HUNK: variants seen among roughly 807,000 people sequenced by gnomAD.
HUNK encodes hormonally up-regulated Neu-associated kinase.
In HUNK, 21 loss-of-function variants were observed where a neutral mutation model predicts 61.0. That is an observed-to-expected ratio of 0.34 (90% CI 0.24 to 0.50). The LOEUF is 0.50. HUNK is among the 20% of genes least tolerant of loss of function. The pLI is 0.98. For missense variants in HUNK, 772 were observed against 945.7 expected, an observed-to-expected ratio of 0.82 and a Z score of 2.41; for synonymous variants, 371 against 386.1, an observed-to-expected ratio of 0.96 and a Z score of 0.46.
chr21:31,886,339 A>C (rs186971886), intron 1 of HUNK, among the ~76,000 whole-genome samples: 158 of 151,090 alleles, frequency 1.0e-3, no homozygotes, highest in African/African-American at 3.6e-3. Flanking sequence ...TGAGAATCAC[A>C]TGAACCTGGC....
intron 8 of HUNK, among the ~76,000 whole-genome samples, chr21:31,986,509 C>T (rs908501491): frequency 2.2e-4 from 34 of 152,078 alleles, no homozygotes; most frequent in African/African-American, 7.5e-4. Context: ...TTTTCACCCT[C>T]GCACCGCATC....
At chr21:31,926,937 A>G (rs892149914) in intron 2 of HUNK, among the ~76,000 whole-genome samples, 1 of 152,080 alleles carries the variant, frequency 6.6e-6, no homozygotes, top group East Asian at 1.9e-4. Context: ...ATCTAGCTCT[A>G]TTTGAAGGCC....
intron 5 of HUNK, 132 bp from the exon 6 acceptor site, chr21:31,968,118 C>G: frequency 9.3e-7 from 1 of 1,079,510 alleles, no homozygotes. Flanking sequence ...GCCCAGAGAC[C>G]TAGAGAAGAG....
At chr21:31,986,778 C>A (rs1002872119) in intron 8 of HUNK, among the ~76,000 whole-genome samples, 1 of 152,140 alleles carries the variant, frequency 6.6e-6, no homozygotes, top group African/African-American at 2.4e-5. Context: ...CTTTGCTGAA[C>A]CTAAGTGTCT....
intron 1 of HUNK, among the ~76,000 whole-genome samples, chr21:31,921,192 A>ACTG (rs982901602): frequency 1.4e-4 from 21 of 147,866 alleles, no homozygotes; most frequent in African/African-American, 4.5e-4. Context: ...AGAAGGAGAC[A>ACTG]CTGCTCTATA....
intron 8 of HUNK, among the ~76,000 whole-genome samples, chr21:31,989,534 T>C (rs2053156907): frequency 6.6e-6 from 1 of 151,908 alleles, no homozygotes; most frequent in Admixed American, 6.6e-5. Context: ...GCCAACATGG[T>C]GAAACCCCGT....
intron 2 of HUNK, among the ~76,000 whole-genome samples, chr21:31,933,298 G>A (rs980557869): frequency 2.6e-5 from 4 of 152,132 alleles, no homozygotes; most frequent in Non-Finnish European, 5.9e-5. Context: ...CCAAGAAAAA[G>A]CAACTTCCCA....
At chr21:31,885,295 G>A (rs569604031) in intron 1 of HUNK, among the ~76,000 whole-genome samples, 64 of 152,196 alleles carry the variant, frequency 4.2e-4, no homozygotes, top group Middle Eastern at 3.2e-3. Context: ...CAGTGCATGC[G>A]CCTTGGCACT....
intron 1 of HUNK, among the ~76,000 whole-genome samples, chr21:31,914,388 A>G (rs1305180840): frequency 2.8e-5 from 4 of 144,722 alleles, no homozygotes; most frequent in Admixed American, 6.9e-5. Flanking sequence ...AGCCTGGGCA[A>G]CAAGAGTGAA....
intron 1 of HUNK, among the ~76,000 whole-genome samples, chr21:31,921,869 T>A (rs2123814587): frequency 6.6e-6 from 1 of 152,360 alleles, no homozygotes; most frequent in Non-Finnish European, 1.5e-5. Context: ...AACTGACAGA[T>A]AACCGCGTGT....
At chr21:31,945,593 G>A (rs2052796570) in intron 3 of HUNK, among the ~76,000 whole-genome samples, 1 of 152,176 alleles carries the variant, frequency 6.6e-6, no homozygotes, top group Non-Finnish European at 1.5e-5. Context: ...CACTGAGGGT[G>A]ACACAGGCAG....
chr21:31,878,424 T>C (rs2052282305), intron 1 of HUNK, among the ~76,000 whole-genome samples: 1 of 151,916 alleles, frequency 6.6e-6, no homozygotes, highest in South Asian at 2.1e-4. Flanking sequence ...GCAATATATT[T>C]GGATAATTCC....
chr21:31,957,432 G>A (rs1391347825), intron 4 of HUNK, among the ~76,000 whole-genome samples: 3 of 152,190 alleles, frequency 2.0e-5, no homozygotes, highest in Non-Finnish European at 2.9e-5. Flanking sequence ...TTTCTAGTGG[G>A]AGCGGTGGGC....
chr21:31,925,317 C>T (rs1243317860), intron 2 of HUNK, among the ~76,000 whole-genome samples: 1 of 152,174 alleles, frequency 6.6e-6, no homozygotes, highest in Non-Finnish European at 1.5e-5. Flanking sequence ...ATAATAATAA[C>T]ACTTCTCTCT....
At chr21:31,914,088 GGAGGAGA>G (rs1406124050) in intron 1 of HUNK, among the ~76,000 whole-genome samples, 5 of 152,146 alleles carry the variant, frequency 3.3e-5, no homozygotes, top group African/African-American at 1.2e-4. Context: ...GGGGAAGGCA[GGAGGAGA>G]GTGGAAGAGG....
At chr21:31,886,503 G>A (rs904617741) in intron 1 of HUNK, among the ~76,000 whole-genome samples, 4 of 151,920 alleles carry the variant, frequency 2.6e-5, no homozygotes, top group Admixed American at 6.6e-5. Context: ...TGAATTCTGG[G>A]GGGACATAAT....
At chr21:31,969,961 C>T (rs1319881979) in intron 6 of HUNK, among the ~76,000 whole-genome samples, 1 of 152,152 alleles carries the variant, frequency 6.6e-6, no homozygotes, top group Non-Finnish European at 1.5e-5. Flanking sequence ...TTTGAGCAAA[C>T]AAGGAAACCA....
At chr21:31,930,408 C>G (rs1601383845) in intron 2 of HUNK, among the ~76,000 whole-genome samples, 1 of 152,340 alleles carries the variant, frequency 6.6e-6, no homozygotes. Context: ...ACCCACAGTT[C>G]TCCGTGCTGA....
chr21:31,921,341 C>T (rs988124064), intron 1 of HUNK, among the ~76,000 whole-genome samples: 1 of 151,038 alleles, frequency 6.6e-6, no homozygotes, highest in Non-Finnish European at 1.5e-5. Context: ...CCATGACTTA[C>T]ATCTTACTGC....
Sources: allele counts gnomAD v4.1 joint callset (sites outside exome capture counted in the v4.1 genomes callset), GRCh38; gene constraint gnomAD v4.1.1; transcripts MANE v1.5; gene names NCBI Gene and HGNC (gene_info 2026-07-23, HGNC 2026-07-21).